EYA2: variants seen among roughly 807,000 people sequenced by gnomAD.
The protein encoded by EYA2 is protein phosphatase EYA2.
In EYA2, 31 loss-of-function variants were observed where a neutral mutation model predicts 69.2. That is an observed-to-expected ratio of 0.45 (90% CI 0.34 to 0.60). EYA2 has a LOEUF of 0.60. Ranked by LOEUF, EYA2 falls within the 20% of genes least tolerant of loss-of-function variation. The pLI is 0.02. For synonymous variants in EYA2, 257 were observed against 279.4 expected, an observed-to-expected ratio of 0.92 and a Z score of 0.80; for missense variants, 622 against 701.2, an observed-to-expected ratio of 0.89 and a Z score of 1.28.
intron 5 of EYA2, among the ~76,000 whole-genome samples, chr20:47,022,143 G>T (rs1292114669): frequency 6.6e-6 from 1 of 152,196 alleles, no homozygotes; most frequent in East Asian, 1.9e-4. Flanking sequence ...GAATTCAGGA[G>T]GCAATTTTCC....
intron 1 of EYA2, among the ~76,000 whole-genome samples, chr20:46,915,317 C>T (rs113990477): frequency 2.0e-3 from 305 of 152,310 alleles, no homozygotes; most frequent in African/African-American, 6.0e-3. Context: ...AAACATTTCT[C>T]GTTGAATTCC....
intron 5 of EYA2, among the ~76,000 whole-genome samples, chr20:47,047,956 G>C: frequency 6.6e-6 from 1 of 152,062 alleles, no homozygotes; most frequent in Middle Eastern, 3.2e-3. Flanking sequence ...AGGATTACAG[G>C]CATGAGCCAC....
At chr20:47,044,067 A>G (rs2029907673) in intron 5 of EYA2, among the ~76,000 whole-genome samples, 1 of 152,200 alleles carries the variant, frequency 6.6e-6, no homozygotes, top group Non-Finnish European at 1.5e-5. Flanking sequence ...TGGTATGGAC[A>G]AAGTTGGATA....
chr20:46,895,252 C>T (rs1410254633), intron 1 of EYA2, among the ~76,000 whole-genome samples: 3 of 152,146 alleles, frequency 2.0e-5, no homozygotes, highest in African/African-American at 4.8e-5. Context: ...GGGGCAACGA[C>T]CCTGAAGTTT....
chr20:46,982,391 C>T (rs962131203), intron 1 of EYA2, among the ~76,000 whole-genome samples: 2 of 152,208 alleles, frequency 1.3e-5, no homozygotes, highest in African/African-American at 4.8e-5. Flanking sequence ...AATTTGTGCA[C>T]ATGTGCAGTT....
chr20:46,976,275 G>A (rs1325860225), intron 1 of EYA2, among the ~76,000 whole-genome samples: 1 of 152,150 alleles, frequency 6.6e-6, no homozygotes. Flanking sequence ...AGGCCGAGGT[G>A]GGAGGATTGC....
intron 8 of EYA2, among the ~76,000 whole-genome samples, chr20:47,090,158 GTT>G (rs959079621): frequency 3.3e-5 from 5 of 150,626 alleles, no homozygotes; most frequent in Non-Finnish European, 7.4e-5. Flanking sequence ...AGGCATCAGT[GTT>G]TTTAAAGCTC....
At chr20:47,148,142 C>T (rs551401835) in intron 10 of EYA2, among the ~76,000 whole-genome samples, 4 of 152,266 alleles carry the variant, frequency 2.6e-5, no homozygotes, top group Middle Eastern at 3.4e-3. Context: ...ATTCTGCACG[C>T]ATGTCCCAAG....
At chr20:47,070,385 G>T (rs1279321584) in intron 5 of EYA2, among the ~76,000 whole-genome samples, 1 of 152,208 alleles carries the variant, frequency 6.6e-6, no homozygotes, top group Admixed American at 6.5e-5. Flanking sequence ...CTGTAATCAA[G>T]AAGACTGAAA....
chr20:47,008,156 A>G (rs934190665), intron 4 of EYA2, among the ~76,000 whole-genome samples: 3 of 152,192 alleles, frequency 2.0e-5, no homozygotes, highest in Non-Finnish European at 4.4e-5. Context: ...AGTAATAGTC[A>G]CCATCGTTGA....
chr20:46,998,265 G>C (rs771211784), intron 2 of EYA2: 2 of 152,356 alleles, frequency 1.3e-5, no homozygotes, highest in African/African-American at 4.8e-5. Flanking sequence ...AATGTGATGC[G>C]GGCACCTGGG....
rs369287996 is a variant in EYA2, at chr20:47,183,285, G to C, written c.1436-6G>C. ...CGTTTTTTCTTTCCTTCCTGTGTGC[G>C]TGCAGGGAAGGAGAGCTGCTTCGAG... On this transcript the variant is annotated splice_region_variant and splice_polypyrimidine_tract_variant and intron_variant, in intron 14 of 15. Transcript: ENST00000327619. 10 of 1,613,352 alleles carry C rather than the reference G, an allele frequency of 6.2e-6. No individual in the cohort carries two copies. In the Admixed American group the frequency reaches 1.2e-4, roughly 19 times the overall value.
At chr20:47,178,236 A>G (rs989162420) in intron 12 of EYA2, among the ~76,000 whole-genome samples, 2 of 151,760 alleles carry the variant, frequency 1.3e-5, no homozygotes, top group African/African-American at 4.8e-5. Context: ...GCTAAGGTGG[A>G]AGGATTGCAG....
At chr20:46,927,828 T>C (rs1985482861) in intron 1 of EYA2, among the ~76,000 whole-genome samples, 1 of 152,170 alleles carries the variant, frequency 6.6e-6, no homozygotes, top group Non-Finnish European at 1.5e-5. Context: ...TTTAACCCTA[T>C]AGGTTTTGTC....
rs3787238 is a variant in EYA2, at chr20:47,174,155, G to C, written c.1198+1288G>C. ...CCACTGGCCCATAAGGGCAGGGTTT[G>C]AGTAGGTGGCTAATAGTGTCTGCAA... On this transcript the variant is annotated intron_variant, in intron 12 of 15. Coordinates refer to ENST00000327619, the MANE Select transcript of EYA2 (RefSeq NM_005244.5). 0.018 allele frequency among the ~76,000 whole-genome samples: 2,754 copies of C among 152,312 alleles called. 122 individuals are homozygous for C. In the East Asian group the frequency reaches 0.18, roughly 10 times the overall value.
At chr20:47,057,400 G>A (rs2030681437) in intron 5 of EYA2, among the ~76,000 whole-genome samples, 1 of 152,146 alleles carries the variant, frequency 6.6e-6, no homozygotes, top group African/African-American at 2.4e-5. Context: ...TCTGGAACTT[G>A]GGCTGTGGTC....
chr20:46,965,348 C>G (rs754057090), intron 1 of EYA2, among the ~76,000 whole-genome samples: 1 of 152,254 alleles, frequency 6.6e-6, no homozygotes, highest in Non-Finnish European at 1.5e-5. Flanking sequence ...CTCTTCGAAT[C>G]CTTAATCCCT....
chr20:47,051,130 A>T (rs573529793), intron 5 of EYA2, among the ~76,000 whole-genome samples: 72 of 152,320 alleles, frequency 4.7e-4, no homozygotes, highest in African/African-American at 1.6e-3. Context: ...CTGGGGCGAG[A>T]CCCTAGCCTA....
At chr20:47,129,066 G>A (rs2033269061) in intron 9 of EYA2, among the ~76,000 whole-genome samples, 1 of 152,184 alleles carries the variant, frequency 6.6e-6, no homozygotes, top group Non-Finnish European at 1.5e-5. Flanking sequence ...GGAGGTTGCA[G>A]TGAGCCAAGA....
Sources: gnomAD v4.1 joint callset for allele counts (sites outside exome capture counted in the v4.1 genomes callset) on GRCh38, gnomAD v4.1.1 for gene constraint, MANE v1.5 for transcripts, NCBI Gene and HGNC (gene_info 2026-07-23, HGNC 2026-07-21) for gene names.